PDXDC1: variants seen among roughly 807,000 people sequenced by gnomAD.
PDXDC1 encodes pyridoxal dependent decarboxylase domain containing 1, also known as pyridoxal-dependent decarboxylase domain-containing protein 1.
In PDXDC1, 42 loss-of-function variants were observed where a neutral mutation model predicts 100.1. That is an observed-to-expected ratio of 0.42 (90% CI 0.33 to 0.54). PDXDC1 has a LOEUF of 0.54. Ranked by LOEUF, PDXDC1 falls within the 20% of genes least tolerant of loss-of-function variation. The pLI, the probability that PDXDC1 is intolerant of heterozygous loss-of-function variation, is 0.10. For missense variants in PDXDC1, 636 were observed against 979.2 expected (o/e 0.65, Z 4.68); for synonymous variants, 260 against 371.7 (o/e 0.70, Z 3.46).
chr16:14,988,769 C>T lies in PDXDC1; in HGVS notation c.22-8984C>T, dbSNP rs556566074. ...GGTCGGCCTGGAACTGGAGGTGGTT[C>T]TCTGTGAACTGCAGCCCCCCGAAGC... On this transcript the variant is annotated intron_variant, in intron 1 of 22. Coordinates refer to ENST00000396410, the MANE Select transcript of PDXDC1 (RefSeq NM_015027.4). The T allele has an allele frequency of 6.2e-6, 10 of 1,613,818 alleles. No individual in the cohort carries two copies. In the South Asian group the frequency reaches 9.9e-5, roughly 16 times the overall value.
downstream of PDXDC1, chr16:15,041,185 G>GTA (rs2043799019): frequency 1.8e-6 from 2 of 1,084,430 alleles, no homozygotes; most frequent in African/African-American, 3.1e-5. Context: ...TTTTTACTTT[G>GTA]TATAATAAAG....
intron 16 of PDXDC1, chr16:15,047,674 G>T: frequency 5.4e-6 from 5 of 920,096 alleles, no homozygotes; most frequent in Admixed American, 5.3e-5. Context: ...AAAACGGACA[G>T]GTCTGTGCTC....
chr16:14,993,221 C>T (rs111920904), intron 1 of PDXDC1, among the ~76,000 whole-genome samples: 16 of 152,290 alleles, frequency 1.1e-4, no homozygotes, highest in African/African-American at 3.6e-4. Context: ...ATACATGTGC[C>T]ATGTTGGTGT....
At chr16:15,140,489 G>A (rs1438424291), downstream of PDXDC1, among the ~76,000 whole-genome samples, 3 of 151,078 alleles carry the variant, frequency 2.0e-5, no homozygotes, top group African/African-American at 4.9e-5. Flanking sequence ...GAGGGCGAGA[G>A]GGAGGGAGGA....
At chr16:14,976,347 C>T (rs1338888740) in intron 1 of PDXDC1, among the ~76,000 whole-genome samples, 83 of 152,364 alleles carry the variant, frequency 5.4e-4, no homozygotes, top group Non-Finnish European at 8.5e-4. Flanking sequence ...GCAGCAGCTG[C>T]TGTAGATTTT....
chr16:15,144,237 G>A (rs2048519067), downstream of PDXDC1, among the ~76,000 whole-genome samples: 1 of 152,230 alleles, frequency 6.6e-6, no homozygotes, highest in South Asian at 2.1e-4. Context: ...CCCCACTGTG[G>A]CCCCTTCCTC....
chr16:15,136,105 G>A (rs1426648762), intron 16 of PDXDC1: 12 of 1,575,918 alleles, frequency 7.6e-6, no homozygotes, highest in Non-Finnish European at 1.0e-5. Context: ...CTGCACAGTC[G>A]AGAAGCCGAT....
chr16:15,011,472 G>C (rs1338075683), intron 8 of PDXDC1, among the ~76,000 whole-genome samples: 4 of 152,286 alleles, frequency 2.6e-5, no homozygotes, highest in Non-Finnish European at 4.4e-5. Context: ...AAATACAGGA[G>C]ATCTTTGTGA....
At chr16:15,097,918 T>C (rs987464254) in intron 16 of PDXDC1, among the ~76,000 whole-genome samples, 1 of 151,104 alleles carries the variant, frequency 6.6e-6, no homozygotes, top group Non-Finnish European at 1.5e-5. Flanking sequence ...ATTATACTGC[T>C]GTTTGTTTTC....
chr16:15,126,291 C>T (rs1440429304), intron 16 of PDXDC1, among the ~76,000 whole-genome samples: 14 of 132,508 alleles, frequency 1.1e-4, no homozygotes, highest in Non-Finnish European at 2.1e-4. Context: ...CCCGCCTCCG[C>T]CTCCCAAAGT....
intron 5 of PDXDC1, among the ~76,000 whole-genome samples, chr16:15,005,304 CAAA>C (rs74858191): frequency 3.8e-4 from 21 of 54,670 alleles, no homozygotes; most frequent in Non-Finnish European, 6.4e-4. Flanking sequence ...GACTCTGTCT[CAAA>C]AAAAAAAAAA....
chr16:15,007,386 G>A (rs1180446362), intron 6 of PDXDC1, among the ~76,000 whole-genome samples: 1 of 152,220 alleles, frequency 6.6e-6, no homozygotes, highest in African/African-American at 2.4e-5. Flanking sequence ...GTGTTAGCCA[G>A]GATGGTGTCG....
At chr16:15,059,449 G>A (rs989355382) in intron 16 of PDXDC1, among the ~76,000 whole-genome samples, 8 of 152,102 alleles carry the variant, frequency 5.3e-5, no homozygotes, top group East Asian at 1.9e-4. Context: ...TACATGCATC[G>A]AATCCTTAAA....
chr16:15,125,606 G>C (rs2047667889), intron 16 of PDXDC1: 3 of 1,224,100 alleles, frequency 2.5e-6, no homozygotes, highest in Non-Finnish European at 3.6e-6. Flanking sequence ...AAGGCCTGCT[G>C]AGAGGTGCAC....
At chr16:15,111,448 C>G (rs1349327548) in intron 16 of PDXDC1, among the ~76,000 whole-genome samples, 1 of 104,330 alleles carries the variant, frequency 9.6e-6, no homozygotes, top group African/African-American at 3.2e-5. Context: ...AAAATTCAAA[C>G]TCTGTCTCAA....
chr16:15,068,426 G>C (rs1168613982), intron 16 of PDXDC1: 8 of 962,722 alleles, frequency 8.3e-6, no homozygotes, highest in Non-Finnish European at 1.2e-5. Context: ...CATGCAGATA[G>C]TCACACAGTA....
chr16:15,063,036 G>A (rs1217847027), intron 16 of PDXDC1, among the ~76,000 whole-genome samples: 1 of 152,154 alleles, frequency 6.6e-6, no homozygotes, highest in African/African-American at 2.4e-5. Flanking sequence ...TAGAAACAGG[G>A]TGTCACTGTG....
At chr16:15,146,765 A>T in the PDXDC1 span, among the ~76,000 whole-genome samples, 7 of 152,058 alleles carry the variant, frequency 4.6e-5, no homozygotes, top group Admixed American at 3.9e-4. Flanking sequence ...CATGGAGGAC[A>T]GGGGAATGGG....
At chr16:15,125,411 G>A in intron 16 of PDXDC1, 1 of 794,108 alleles carries the variant, frequency 1.3e-6, no homozygotes, top group East Asian at 2.5e-5. Context: ...GACACCCTGG[G>A]CTTCCGAGCA....
Sources: allele counts gnomAD v4.1 joint callset (sites outside exome capture counted in the v4.1 genomes callset), GRCh38; gene constraint gnomAD v4.1.1; transcripts MANE v1.5; gene names NCBI Gene and HGNC (gene_info 2026-07-23, HGNC 2026-07-21).